RPF2: variants seen among roughly 807,000 people sequenced by gnomAD.
RPF2 encodes the protein brix domain containing 1.
Under a neutral mutation model 38.9 loss-of-function variants are expected in RPF2, and 21 were observed. The ratio of observed to expected loss-of-function variants is 0.54; its 90% CI spans 0.38 to 0.78. The LOEUF (loss-of-function observed/expected upper bound fraction) is 0.78. RPF2 is among the 30% of genes least tolerant of loss of function. RPF2 has a pLI of 0.00. For missense variants in RPF2, 314 were observed against 358.1 expected, an observed-to-expected ratio of 0.88 and a Z score of 0.99; for synonymous variants, 121 against 126.2, an observed-to-expected ratio of 0.96 and a Z score of 0.28.
Position 111,025,706 on chromosome 6 carries a change from ATAT to A in RPF2, c.*131_*133del. ...TTTTATAACATGATAATTTTACGAT[ATAT>A]TATTATGAACAGTAATATACTAGTA... On this transcript the variant is annotated 3_prime_UTR_variant, in exon 10 of 10. Transcript: ENST00000441448. 1.4e-6 allele frequency: 1 copy of A among 720,644 alleles called. No individual in the cohort carries two copies. The highest frequency in any genetic ancestry group is 2.3e-5 in the South Asian group (1 of 42,802). The allele number at this position is 720,644 out of a possible 1,614,324, so 44.6% of individuals were successfully genotyped here.
intron 4 of RPF2, among the ~76,000 whole-genome samples, chr6:110,993,852 A>AT (rs1276596117): frequency 2.6e-5 from 4 of 152,018 alleles, no homozygotes; most frequent in African/African-American, 4.8e-5. Context: ...CTCTCCACAC[A>AT]TTTTTTTTAC....
intron 2 of RPF2, 71 bp from the exon 3 acceptor site, chr6:110,988,957 A>T (rs1771570738): frequency 1.3e-6 from 2 of 1,537,054 alleles, no homozygotes; most frequent in Admixed American, 2.0e-5. Context: ...AGTGACTGTT[A>T]TGATGCTTTA....
chr6:111,024,251 A>T lies in RPF2; in HGVS notation c.665A>T (p.Asp222Val), dbSNP rs758373481. 39 of 1,611,632 alleles carry T rather than the reference A, an allele frequency of 2.4e-5. No individual in the cohort carries two copies. The highest frequency in any genetic ancestry group is 5.5e-5 in the South Asian group (5 of 90,948). ...TTGGAAGAGATGGGACCCTCATTGGATCTGGTTCTGAGGAGGACACACCTG... is the reference window on the plus strand; with the variant it reads ...TTGGAAGAGATGGGACCCTCATTGGTTCTGGTTCTGAGGAGGACACACCTG... ...IELEEMGPSLDLVLRRTHLAS... is the reference protein window; with the variant it reads ...IELEEMGPSLVLVLRRTHLAS... The change falls in exon 9 of 10, where the codon GAT (aspartate) becomes GTT (valine). Residue 222 changes from aspartate to valine, a missense_variant. Transcript: ENST00000441448.
chr6:110,997,568 C>G (rs1771738105), intron 5 of RPF2, among the ~76,000 whole-genome samples: 1 of 152,044 alleles, frequency 6.6e-6, no homozygotes, highest in Admixed American at 6.6e-5. Flanking sequence ...TGGTGAAACC[C>G]CATCTCTACT....
chr6:110,998,928 G>A (rs183462302), intron 5 of RPF2, among the ~76,000 whole-genome samples: 3 of 143,930 alleles, frequency 2.1e-5, no homozygotes, highest in African/African-American at 7.8e-5. Context: ...CTGGGTAACA[G>A]AGCAAGTCTT....
intron 9 of RPF2, 65 bp downstream of exon 9, chr6:111,024,392 A>G: frequency 6.8e-7 from 1 of 1,477,182 alleles, no homozygotes; most frequent in Admixed American, 2.3e-5. Context: ...TTTTCTTTCC[A>G]AAAAGAATTT....
chr6:110,993,300 GT>G (rs60974912), intron 4 of RPF2, among the ~76,000 whole-genome samples: 53,874 of 150,840 alleles, frequency 0.36, 10,511 homozygotes, highest in East Asian at 0.67. Context: ...CCTTTTTAAT[GT>G]TTTTTTTTCT....
chr6:111,015,915 G>A (rs1479717387), intron 8 of RPF2, 59 bp downstream of exon 8: 1 of 1,306,682 alleles, frequency 7.7e-7, no homozygotes. Context: ...AAAACTGTGT[G>A]ACTGTTTTTT....
intron 1 of RPF2, among the ~76,000 whole-genome samples, chr6:110,984,507 A>G (rs573782763): frequency 6.6e-6 from 1 of 152,302 alleles, no homozygotes; most frequent in South Asian, 2.1e-4. Flanking sequence ...CACTTATTTA[A>G]CAATAATAAG....
chr6:111,017,186 G>T (rs1210488357), intron 8 of RPF2, among the ~76,000 whole-genome samples: 5 of 152,168 alleles, frequency 3.3e-5, no homozygotes, highest in Non-Finnish European at 7.4e-5. Context: ...CGTTCTCAAT[G>T]AGCTGTTGGG....
At position 111,008,077 on chromosome 6, in the gene RPF2, T is replaced by C. The variant is rs546446194; in HGVS notation, c.433T>C (p.Phe145Leu). 4.4e-5 allele frequency: 71 copies of C among 1,605,110 alleles called. No homozygotes were observed. The highest frequency in any genetic ancestry group is 5.9e-5 in the Non-Finnish European group (69 of 1,176,378). ...CPEGTKPMLI[F>L]AGDDFDVTED... is the part of the protein sequence containing the mutation. Reference sequence around the variant, plus strand: ...TGAGGGAACAAAACCCATGCTGATATTTGCTGGCGATGATTTCGATGTAAC... The same window carrying C: ...TGAGGGAACAAAACCCATGCTGATACTTGCTGGCGATGATTTCGATGTAAC... Residue 145 changes from phenylalanine (F) to leucine (L), a missense_variant, in exon 7 of 10, where the codon TTT becomes CTT. Physicochemically the swap from Phe to Leu is conservative, Grantham distance 22. Coordinates refer to ENST00000441448, the MANE Select transcript of RPF2 (RefSeq NM_032194.3).
intron 5 of RPF2, 144 bp downstream of exon 5, chr6:110,997,408 G>T (rs1449060566): frequency 3.4e-6 from 2 of 595,010 alleles, no homozygotes; most frequent in Non-Finnish European, 6.0e-6. Context: ...GTAAGAGACT[G>T]AGGGAAGTAT....
At chr6:110,987,332 T>C (rs1208318144) in intron 2 of RPF2, among the ~76,000 whole-genome samples, 1 of 152,184 alleles carries the variant, frequency 6.6e-6, no homozygotes, top group Non-Finnish European at 1.5e-5. Flanking sequence ...GTGCTGAGAT[T>C]ACAGGAGTGA....
intron 2 of RPF2, among the ~76,000 whole-genome samples, chr6:110,988,398 C>T (rs998896896): frequency 2.0e-5 from 3 of 150,578 alleles, no homozygotes; most frequent in Non-Finnish European, 2.9e-5. Context: ...GTCAGCCTTT[C>T]GTGATAGAAT....
At chr6:110,984,880 G>T in intron 1 of RPF2, 126 bp from the exon 2 acceptor site, 1 of 996,280 alleles carries the variant, frequency 1.0e-6, no homozygotes, top group Non-Finnish European at 1.4e-6. Flanking sequence ...AAGAAAGTGA[G>T]ATTTTTTTTA....
chr6:111,017,357 C>A, intron 8 of RPF2, among the ~76,000 whole-genome samples: 1 of 150,494 alleles, frequency 6.6e-6, no homozygotes, highest in African/African-American at 2.4e-5. Context: ...CGGGGGCTGC[C>A]CCCCGCCTCC....
chr6:110,982,198 T>G, intron 1 of RPF2, 69 bp downstream of exon 1: 1 of 1,535,708 alleles, frequency 6.5e-7, no homozygotes, highest in Non-Finnish European at 9.0e-7. Context: ...GGTGGTACTG[T>G]CTCGGCCTCT....
At chr6:110,996,626 T>C (rs1245507332) in intron 4 of RPF2, among the ~76,000 whole-genome samples, 1 of 152,242 alleles carries the variant, frequency 6.6e-6, no homozygotes, top group East Asian at 1.9e-4. Flanking sequence ...ATTTATTAAC[T>C]GAATAGTTTT....
intron 6 of RPF2, among the ~76,000 whole-genome samples, chr6:111,002,687 G>C (rs921520004): frequency 3.6e-4 from 55 of 152,150 alleles, no homozygotes; most frequent in Non-Finnish European, 4.4e-5. Flanking sequence ...TTTCACTCAT[G>C]GAGTGCATAT....
Sources: gnomAD v4.1 joint callset for allele counts (sites outside exome capture counted in the v4.1 genomes callset) on GRCh38, gnomAD v4.1.1 for gene constraint, MANE v1.5 for transcripts, NCBI Gene and HGNC (gene_info 2026-07-23, HGNC 2026-07-21) for gene names.